The following DENND2C variants were observed in gnomAD, a reference collection of about 807,000 sequenced individuals.
DENND2C encodes DENN domain-containing protein 2C.
DENND2C carries 72 observed loss-of-function variants against 112.4 expected under a neutral mutation model. That is an observed-to-expected ratio of 0.64 (90% CI 0.53 to 0.78). The LOEUF (loss-of-function observed/expected upper bound fraction) is 0.78. Among genes scored for constraint, DENND2C ranks in the 30% least tolerant of loss-of-function variants. DENND2C has a pLI of 0.00. For missense variants in DENND2C, 992 were observed against 1,113.8 expected (o/e 0.89, Z 1.56); for synonymous variants, 329 against 381.6 (o/e 0.86, Z 1.61).
intron 1 of DENND2C, among the ~76,000 whole-genome samples, chr1:114,665,149 G>A (rs993511091): frequency 1.2e-4 from 18 of 151,498 alleles, no homozygotes; most frequent in Admixed American, 2.0e-4. Context: ...CATGCCTGTA[G>A]TCCTAGTTTC....
rs369981583 is a variant in DENND2C at position 114,595,804 on chromosome 1, A to G, written c.2325+28T>C. 42 of 1,596,864 alleles carry G rather than the reference A, an allele frequency of 2.6e-5. No homozygotes were observed. The East Asian group carries it at 4.0e-4, about 15-fold the overall frequency. ...CTACAGTAGACATTTATCCTAAAAC[A>G]TAAGTAATTACCTCCTTTGGCACTC... On this transcript the variant is annotated intron_variant, in intron 17 of 20. Transcript: ENST00000393274.
At chr1:114,650,966 G>A (rs1441597543) in intron 2 of DENND2C, among the ~76,000 whole-genome samples, 1 of 151,290 alleles carries the variant, frequency 6.6e-6, no homozygotes, top group African/African-American at 2.4e-5. Context: ...GGCATTAGCT[G>A]GGTGTGGTGG....
intron 2 of DENND2C, among the ~76,000 whole-genome samples, chr1:114,645,932 C>CTT (rs1000648499): frequency 6.9e-6 from 1 of 145,576 alleles, no homozygotes; most frequent in Non-Finnish European, 1.5e-5. Flanking sequence ...ATTTCTCATT[C>CTT]TTTTTTTTTT....
chr1:114,587,324 G>A, intron 20 of DENND2C, 63 bp downstream of exon 20: 1 of 1,571,932 alleles, frequency 6.4e-7, no homozygotes, highest in Non-Finnish European at 8.8e-7. Flanking sequence ...TGGAATTACA[G>A]GCATGAGCCA....
At chr1:114,669,006 T>G (rs1361907033) in intron 1 of DENND2C, among the ~76,000 whole-genome samples, 1 of 152,128 alleles carries the variant, frequency 6.6e-6, no homozygotes, top group Non-Finnish European at 1.5e-5. Context: ...TCTAGAAAAT[T>G]TCATCAATCA....
intron 3 of DENND2C, among the ~76,000 whole-genome samples, chr1:114,637,727 C>G (rs1656697408): frequency 1.3e-5 from 2 of 152,106 alleles, no homozygotes; most frequent in South Asian, 4.1e-4. Context: ...GTTGCCCAGG[C>G]TGGTCTTGAA....
intron 3 of DENND2C, among the ~76,000 whole-genome samples, chr1:114,638,477 A>T (rs1011156109): frequency 3.9e-5 from 6 of 152,124 alleles, no homozygotes; most frequent in African/African-American, 1.4e-4. Context: ...AATTAAATGG[A>T]GCTGGGTGCA....
chr1:114,604,685 A>T, intron 11 of DENND2C, among the ~76,000 whole-genome samples: 1 of 149,864 alleles, frequency 6.7e-6, no homozygotes. Context: ...TAGAACTGGC[A>T]AACTGAAGAG....
At chr1:114,646,260 G>A (rs764047617) in intron 2 of DENND2C, among the ~76,000 whole-genome samples, 3 of 152,054 alleles carry the variant, frequency 2.0e-5, no homozygotes, top group Non-Finnish European at 4.4e-5. Flanking sequence ...TGTTTACCTC[G>A]TAGGGACACA....
chr1:114,660,735 T>C (rs1203740370), intron 1 of DENND2C, among the ~76,000 whole-genome samples: 5 of 152,218 alleles, frequency 3.3e-5, no homozygotes, highest in African/African-American at 1.2e-4. Flanking sequence ...TAATAGTTTT[T>C]TCCCAGTTTA....
At chr1:114,627,254 T>G (rs1183320882) in intron 3 of DENND2C, among the ~76,000 whole-genome samples, 3 of 152,228 alleles carry the variant, frequency 2.0e-5, no homozygotes, top group Non-Finnish European at 4.4e-5. Flanking sequence ...CGGAAAACTT[T>G]TCCTACCAAC....
intron 3 of DENND2C, among the ~76,000 whole-genome samples, chr1:114,641,245 A>C (rs1656828473): frequency 7.0e-6 from 1 of 142,298 alleles, no homozygotes; most frequent in Admixed American, 7.2e-5. Flanking sequence ...TGGGCAACAT[A>C]GCGAGATCCT....
chr1:114,616,294 A>G (rs1301718591), intron 8 of DENND2C, among the ~76,000 whole-genome samples: 1 of 151,682 alleles, frequency 6.6e-6, no homozygotes, highest in Non-Finnish European at 1.5e-5. Flanking sequence ...CAGGAGAAAG[A>G]GGCAGGAGAA....
chr1:114,659,243 A>G (rs141754128), intron 1 of DENND2C, among the ~76,000 whole-genome samples: 5 of 152,300 alleles, frequency 3.3e-5, no homozygotes, highest in African/African-American at 1.2e-4. Flanking sequence ...ACTCACGCCT[A>G]TAACCCCAGC....
intron 3 of DENND2C, among the ~76,000 whole-genome samples, chr1:114,638,635 C>G (rs1043513335): frequency 1.3e-5 from 2 of 151,082 alleles, no homozygotes; most frequent in Admixed American, 1.3e-4. Flanking sequence ...TGGCGTTGTG[C>G]GTCTGTAATC....
Position 114,623,051 on chromosome 1 carries a change from G to A in DENND2C, c.992C>T (p.Pro331Leu), listed in dbSNP as rs1204201541. Residue 331 changes from proline (P) to leucine (L), a missense_variant, in exon 6 of 21, where the codon CCT becomes CTT. Physicochemically the swap from Pro to Leu is moderately conservative, Grantham distance 98. Transcript: ENST00000393274. ...PYEDIPVQPL[P>L]MWRSPSAWKL... is the part of the protein sequence containing the mutation. Reference sequence around the variant, plus strand: ...CCATGCTGAAGGGGATCTCCACATAGGTAAAGGCTGCACTGGAATATCTTC... The same window carrying A: ...CCATGCTGAAGGGGATCTCCACATAAGTAAAGGCTGCACTGGAATATCTTC... The A allele has an allele frequency of 6.2e-7, 1 of 1,612,828 alleles. No homozygotes were observed.
intron 1 of DENND2C, among the ~76,000 whole-genome samples, chr1:114,660,850 TGCCTGTAATCCCTGCACTTTGGGAG>T (rs903882521): frequency 1.3e-5 from 2 of 152,082 alleles, no homozygotes; most frequent in African/African-American, 4.8e-5. Context: ...TGGTGTCTCA[TGCCTGTAATCCCTGCACTTTGGGAG>T]GCCGAGGCAG....
At chr1:114,614,884 C>T (rs528070294) in intron 8 of DENND2C, among the ~76,000 whole-genome samples, 13 of 152,148 alleles carry the variant, frequency 8.5e-5, no homozygotes, top group African/African-American at 3.1e-4. Flanking sequence ...CGTGGTGACA[C>T]ACGCCTGTAA....
At chr1:114,622,142 C>T (rs1656184482) in intron 6 of DENND2C, 77 bp from the exon 7 acceptor site, 4 of 1,414,222 alleles carry the variant, frequency 2.8e-6, no homozygotes, top group Middle Eastern at 2.0e-4. Context: ...GAGATGGGGT[C>T]TTGCTCTGTC....
Sources: allele counts gnomAD v4.1 joint callset (sites outside exome capture counted in the v4.1 genomes callset), GRCh38; gene constraint gnomAD v4.1.1; transcripts MANE v1.5; gene names NCBI Gene and HGNC (gene_info 2026-07-23, HGNC 2026-07-21).